The following PSG9 variants were observed in gnomAD, a reference collection of about 807,000 sequenced individuals.
PSG9 encodes the protein pregnancy-specific beta-1-glycoprotein 9.
A neutral mutation model predicts 41.9 loss-of-function variants in PSG9; 49 were observed. The observed-to-expected ratio is 1.17, with a 90% CI of 0.93 to 1.48. PSG9 has a LOEUF of 1.48. Ranked by LOEUF, PSG9 falls within the 40% of genes most tolerant of loss-of-function variation. The pLI is 0.00. For synonymous variants in PSG9, 263 were observed against 196.8 expected, an observed-to-expected ratio of 1.34 and a Z score of -2.82; for missense variants, 641 against 520.3, an observed-to-expected ratio of 1.23 and a Z score of -2.26.
chr19:43,262,593 C>T lies in PSG9; in HGVS notation c.431-455G>A, dbSNP rs1345822686. Among the ~76,000 whole-genome samples, 4 of 152,150 alleles carry T rather than the reference C, an allele frequency of 2.6e-5. No homozygotes were observed. In the East Asian group the frequency reaches 7.7e-4, roughly 29 times the overall value. On this transcript the variant is annotated intron_variant, in intron 2 of 5. Coordinates refer to ENST00000270077, the MANE Select transcript of PSG9 (RefSeq NM_002784.5). ...CCTAGAGATGGGTGATGGAACTTCC[C>T]ATTGTCCTTAAACCCTTTGGGTATT... is the stretch of plus-strand genomic sequence containing the variant.
intron 3 of PSG9, among the ~76,000 whole-genome samples, chr19:43,261,211 GACTATGATCCTC>G (rs1968694880): frequency 6.6e-6 from 1 of 152,110 alleles, no homozygotes; most frequent in African/African-American, 2.4e-5. Flanking sequence ...ACTTACCAGG[GACTATGATCCTC>G]TTGATTATGA....
At chr19:43,255,869 T>C (rs2122498705) in intron 5 of PSG9, among the ~76,000 whole-genome samples, 1 of 146,706 alleles carries the variant, frequency 6.8e-6, no homozygotes, top group South Asian at 2.2e-4. Context: ...ATCAATAAAT[T>C]GAAAGACATT....
intron 1 of PSG9, among the ~76,000 whole-genome samples, chr19:43,268,660 C>CTT (rs1311995006): frequency 6.6e-6 from 1 of 152,154 alleles, no homozygotes; most frequent in Non-Finnish European, 1.5e-5. Flanking sequence ...CTTTTGTGAT[C>CTT]CTGGTTGCAC....
intron 2 of PSG9, among the ~76,000 whole-genome samples, chr19:43,267,332 A>G (rs575157220): frequency 4.6e-5 from 7 of 152,212 alleles, no homozygotes; most frequent in African/African-American, 1.7e-4. Context: ...AGAAGCCACA[A>G]CCCAGCACTG....
At position 43,269,282 on chromosome 19, in the gene PSG9, A is replaced by C. The variant is rs969488256; in HGVS notation, c.64+86T>G. 7 of 1,601,614 alleles carry C rather than the reference A, an allele frequency of 4.4e-6. No individual in the cohort carries two copies. The Admixed American group carries it at 5.1e-5, about 12-fold the overall frequency. On this transcript the variant is annotated intron_variant, in intron 1 of 5. Transcript: ENST00000270077. The stretch of plus-strand genomic sequence containing the variant: ...GCCTCCCTAAGAGCTGGCTTCTTTT[A>C]TTTTACAACCCCATCCTCTCCAGGA...
chr19:43,265,244 A>C (rs1329989762), intron 2 of PSG9, among the ~76,000 whole-genome samples: 1 of 152,170 alleles, frequency 6.6e-6, no homozygotes, highest in Non-Finnish European at 1.5e-5. Context: ...ATAGGAGGGA[A>C]CTGAATTCTG....
intron 5 of PSG9, among the ~76,000 whole-genome samples, chr19:43,255,411 T>C (rs564460407): frequency 1.4e-5 from 2 of 146,654 alleles, no homozygotes; most frequent in East Asian, 2.4e-4. Flanking sequence ...TCATACTCAA[T>C]GGAGAAAGAC....
Position 43,269,240 on chromosome 19 carries a change from G to T in PSG9, c.64+128C>A, listed in dbSNP as rs539099186. Reference sequence around the variant, plus strand: ...GGACTGATCTTGAACTCCTGATCTCGTGATCCACCCACCTCAGCCTCCCTA... The same window carrying T: ...GGACTGATCTTGAACTCCTGATCTCTTGATCCACCCACCTCAGCCTCCCTA... On this transcript the variant is annotated intron_variant, in intron 1 of 5. Coordinates refer to ENST00000270077, the MANE Select transcript of PSG9 (RefSeq NM_002784.5). 2.7e-4 allele frequency: 403 copies of T among 1,491,470 alleles called. 4 individuals carry two copies. The highest frequency in any genetic ancestry group is 3.5e-4 in the Non-Finnish European group (387 of 1,092,014). The allele number at this position is 1,491,470 out of a possible 1,614,324, so 92.4% of individuals were successfully genotyped here. A position where few individuals can be genotyped will look rare whatever the true frequency, so the allele number is the denominator to read the frequency against.
chr19:43,267,034 C>A (rs184699431), intron 2 of PSG9, among the ~76,000 whole-genome samples: 2 of 152,272 alleles, frequency 1.3e-5, no homozygotes, highest in Admixed American at 6.5e-5. Context: ...TGAGAAAGCA[C>A]CTTATGTCAG....
chr19:43,256,199 A>G (rs1968438761), intron 5 of PSG9, among the ~76,000 whole-genome samples: 1 of 146,510 alleles, frequency 6.8e-6, no homozygotes, highest in Non-Finnish European at 1.5e-5. Flanking sequence ...CATGTACAAA[A>G]ATTAACCCAC....
rs910319010 is a variant in PSG9 at position 43,254,042 on chromosome 19, T to A, written c.1244-396A>T. On this transcript the variant is annotated intron_variant, in intron 5 of 5. Transcript: ENST00000270077. The stretch of plus-strand genomic sequence containing the variant: ...CAGACTTGATTCTTTGCCCTTAGCT[T>A]TTTTTTTCTCTCCCACAAGTAGTCA... 5.2e-4 allele frequency among the ~76,000 whole-genome samples: 76 copies of A among 144,890 alleles called. 9 individuals carry two copies. Among genetic ancestry groups the A allele is most frequent in the Middle Eastern group, 7.0e-3 (2 of 286 alleles).
At chr19:43,264,999 G>A (rs1364012810) in intron 2 of PSG9, among the ~76,000 whole-genome samples, 1 of 152,110 alleles carries the variant, frequency 6.6e-6, no homozygotes, top group African/African-American at 2.4e-5. Flanking sequence ...TGGTTAGTCA[G>A]GGCAGAGATT....
rs148062912 is a variant in PSG9 at position 43,267,514 on chromosome 19, T to C, written c.430+270A>G. Among the ~76,000 whole-genome samples, 478 of 152,274 alleles carry C rather than the reference T, an allele frequency of 3.1e-3. 10 individuals carry two copies. The East Asian group carries it at 0.055, about 17-fold the overall frequency. On this transcript the variant is annotated intron_variant, in intron 2 of 5. Transcript: ENST00000270077. The stretch of plus-strand genomic sequence containing the variant: ...AATTTATGAAGAGGGCATGATGTGC[T>C]TGGCTGAGACTGATCTCCTCCTGCT...
intron 1 of PSG9, among the ~76,000 whole-genome samples, chr19:43,268,385 T>C (rs1324201415): frequency 1.3e-5 from 2 of 152,172 alleles, no homozygotes; most frequent in Admixed American, 6.5e-5. Flanking sequence ...CTTCAACACT[T>C]CTGACCTTGG....
chr19:43,261,342 A>G (rs1324028543), intron 3 of PSG9, among the ~76,000 whole-genome samples: 2 of 152,160 alleles, frequency 1.3e-5, no homozygotes, highest in African/African-American at 4.8e-5. Context: ...GGAACTTCCC[A>G]TCAATCAGCC....
In PSG9 at chr19:43,257,922, T is replaced by C. The variant is rs534250742; in HGVS notation, c.1243+280A>G. 47 of 1,415,546 alleles carry C rather than the reference T, an allele frequency of 3.3e-5. 7 individuals are homozygous for C. The highest frequency in any genetic ancestry group is 5.3e-4 in the Middle Eastern group (2 of 3,784). The allele number at this position is 1,415,546 out of a possible 1,614,324, so 87.7% of individuals were successfully genotyped here. A position where few individuals can be genotyped will look rare whatever the true frequency, so the allele number is the denominator to read the frequency against. On this transcript the variant is annotated intron_variant, in intron 5 of 5. Coordinates refer to ENST00000270077, the MANE Select transcript of PSG9 (RefSeq NM_002784.5). ...ACTTGATCTTGAGGACTCTCCTTCTTGTCCCTCTCTGAAGCCTCTTCTACC... is the reference window on the plus strand; with the variant it reads ...ACTTGATCTTGAGGACTCTCCTTCTCGTCCCTCTCTGAAGCCTCTTCTACC...
intron 5 of PSG9, among the ~76,000 whole-genome samples, chr19:43,254,209 C>T (rs910417075): frequency 1.4e-5 from 2 of 146,256 alleles, no homozygotes; most frequent in Non-Finnish European, 3.0e-5. Flanking sequence ...CACAATAACC[C>T]TGTCACATAG....
intron 2 of PSG9, among the ~76,000 whole-genome samples, chr19:43,267,283 G>A (rs1167784797): frequency 2.0e-5 from 3 of 152,140 alleles, no homozygotes; most frequent in Non-Finnish European, 4.4e-5. Flanking sequence ...ACAGTCCTCA[G>A]ACAGCTGGTA....
intron 2 of PSG9, among the ~76,000 whole-genome samples, chr19:43,263,784 T>C (rs867692062): frequency 1.4e-4 from 22 of 152,206 alleles, no homozygotes; most frequent in African/African-American, 4.6e-4. Flanking sequence ...GATTGGAAAT[T>C]AGCAGCTCCT....
Sources: gnomAD v4.1 joint callset for allele counts (sites outside exome capture counted in the v4.1 genomes callset) on GRCh38, gnomAD v4.1.1 for gene constraint, MANE v1.5 for transcripts, NCBI Gene and HGNC (gene_info 2026-07-23, HGNC 2026-07-21) for gene names.